Variants in IVL observed in about 807,000 individuals in gnomAD.
The protein encoded by IVL is involucrin.
For missense variants in IVL, 722 were observed against 624.9 expected (o/e 1.16, Z -1.66); for synonymous variants, 257 against 271.0 (o/e 0.95, Z 0.51).
At position 152,910,721 on chromosome 1, in the gene IVL, G is replaced by A. The variant is rs1238540426; in HGVS notation, c.924G>A (p.Gln308=). 9 of 1,549,948 alleles carry A rather than the reference G, an allele frequency of 5.8e-6. No homozygotes were observed. Among genetic ancestry groups the A allele is most frequent in the Admixed American group, 2.0e-5 (1 of 50,774 alleles). ...AGAAGCAGCCAGAGCTCCCAGAGCA[G>A]CAGATGGGGCAGCTGAAGCACCTGG... ...QQEKQPELPE[Q]QMGQLKHLEQ... Residue 308 remains glutamine (Q), a synonymous_variant, in exon 2 of 2, where the codon CAG becomes CAA. Coordinates refer to ENST00000368764, the MANE Select transcript of IVL (RefSeq NM_005547.4).
At position 152,910,149 on chromosome 1, in the gene IVL, C is replaced by A. The variant is rs201668946; in HGVS notation, c.352C>A (p.Gln118Lys). ...LKQEKTQRDQ[Q>K]LNKQLEEEKK... ...GCAGGAGAAAACACAAAGGGATCAG[C>A]AGCTAAACAAACAGCTGGAAGAAGA... Residue 118 changes from glutamine to lysine, a missense_variant, in exon 2 of 2, where the codon CAG (glutamine) becomes AAG (lysine). Transcript: ENST00000368764. 34 of 1,614,026 alleles carry A rather than the reference C, an allele frequency of 2.1e-5. No homozygotes were observed. The East Asian group carries it at 7.4e-4, about 35-fold the overall frequency.
Position 152,910,484 on chromosome 1 carries a change from G to A in IVL, c.687G>A (p.Gln229=), listed in dbSNP as rs1173343382. ...GGCAGCTGGAGCTCCCAGAGCAGCAGGAGGGGCAGCTGGAGCTCCCACAGC... is the reference window on the plus strand; with the variant it reads ...GGCAGCTGGAGCTCCCAGAGCAGCAAGAGGGGCAGCTGGAGCTCCCACAGC... ...QEGQLELPEQ[Q]EGQLELPQQQ... is the part of the protein sequence containing the mutation. Residue 229 remains glutamine, a synonymous_variant, in exon 2 of 2, where the codon CAG becomes CAA. Transcript: ENST00000368764. 6.3e-6 allele frequency: 9 copies of A among 1,431,694 alleles called. No homozygotes were observed. In the African/African-American group the frequency reaches 1.7e-4, roughly 27 times the overall value. The allele number at this position is 1,431,694 out of a possible 1,614,324, so 88.7% of individuals were successfully genotyped here. A position where few individuals can be genotyped will look rare whatever the true frequency, so the allele number is the denominator to read the frequency against.
In IVL at chr1:152,911,121, C is replaced by T. The variant is rs759798764; in HGVS notation, c.1324C>T (p.His442Tyr). Residue 442 changes from histidine (H) to tyrosine (Y), a missense_variant, in exon 2 of 2, where the codon CAT (histidine) becomes TAT (tyrosine). His to Tyr is a moderately conservative substitution (Grantham distance 83). Transcript: ENST00000368764. ...HLEEQEGQLK[H>Y]LEQQQGQLEV... is the part of the protein sequence containing the mutation. ...AGAGGAGCAGGAGGGACAACTGAAG[C>T]ATCTGGAGCAGCAGCAGGGGCAGTT... The T allele has an allele frequency of 3.2e-6, 5 of 1,554,528 alleles. No individual in the cohort carries two copies. The South Asian group carries it at 5.9e-5, about 18-fold the overall frequency.
In IVL at chr1:152,911,590, C is replaced by T; in HGVS notation, c.*35C>T. On this transcript the variant is annotated 3_prime_UTR_variant, in exon 2 of 2. Transcript: ENST00000368764. The stretch of plus-strand genomic sequence containing the variant: ...GTGTCCAGAGGCCCTCAGATCGTCT[C>T]ATACAAGGGAAGAGAGAGCCACTGG... 5.8e-6 allele frequency: 9 copies of T among 1,554,562 alleles called. 1 individual carries two copies. In the South Asian group the frequency reaches 1.1e-4, roughly 19 times the overall value.
In IVL at chr1:152,910,135, C is replaced by T. The variant is rs756991942; in HGVS notation, c.338C>T (p.Thr113Ile). The part of the protein sequence containing the change: ...NPEQQLKQEK[T>I]QRDQQLNKQL... ...GAGCAGCAGCTTAAGCAGGAGAAAA[C>T]ACAAAGGGATCAGCAGCTAAACAAA... The change falls in exon 2 of 2, where the codon ACA (threonine) becomes ATA (isoleucine). Residue 113 changes from threonine (T) to isoleucine (I), a missense_variant. Coordinates refer to ENST00000368764, the MANE Select transcript of IVL (RefSeq NM_005547.4). The T allele has an allele frequency of 6.2e-7, 1 of 1,613,884 alleles. No individual in the cohort carries two copies. The highest frequency in any genetic ancestry group is 2.2e-5 in the East Asian group (1 of 44,842).
At position 152,910,072 on chromosome 1, in the gene IVL, G is replaced by A; in HGVS notation, c.275G>A (p.Trp92Ter). ...GAGCAGGAGCTGCAGCAACAGCACT[G>A]GGAACAGCATGAGGAATATCAGAAA... ...PQEQELQQQHWEQHEEYQKAE... is the reference protein window; with the variant it reads ...PQEQELQQQH The change falls in exon 2 of 2, where the codon TGG becomes TAG. Residue 92 changes from tryptophan to a stop codon, truncating the protein, a stop_gained. Transcript: ENST00000368764. LOFTEE classifies it low-confidence loss of function (END_TRUNC). 1 of 1,614,140 alleles carries A rather than the reference G, an allele frequency of 6.2e-7. No homozygotes were observed. Among genetic ancestry groups the A allele is most frequent in the Non-Finnish European group, 8.5e-7 (1 of 1,180,004 alleles).
rs1649886277 is a variant in IVL, at chr1:152,909,835, C to T, written c.38C>T (p.Pro13Leu). ...QQHTLPVTLS[P>L]ALSQELLKTV... is the part of the protein sequence containing the mutation. ...CACACACTGCCAGTGACCCTCTCCC[C>T]TGCCCTCAGTCAGGAGCTCCTCAAG... Residue 13 changes from proline to leucine, a missense_variant, in exon 2 of 2, where the codon CCT becomes CTT. Pro to Leu is a moderately conservative substitution (Grantham distance 98). Transcript: ENST00000368764. 2 of 1,614,140 alleles carry T rather than the reference C, an allele frequency of 1.2e-6. No individual in the cohort carries two copies.
In IVL at chr1:152,910,839, C is replaced by T. The variant is rs1017013259; in HGVS notation, c.1042C>T (p.Gln348Ter). The change falls in exon 2 of 2, where the codon CAG becomes TAG. Residue 348 changes from glutamine to a stop codon, truncating the protein, a stop_gained. Transcript: ENST00000368764. LOFTEE classifies it low-confidence loss of function (END_TRUNC). ...GGAGGGGCAGCTGAAGCACCTGGAG[C>T]AGCAGGAGGGGCAGCTGGAGCACCT... ...EQEGQLKHLE[Q>*]QEGQLEHLEH... 1 of 1,549,802 alleles carries T rather than the reference C, an allele frequency of 6.5e-7. No individual in the cohort carries two copies. The highest frequency in any genetic ancestry group is 1.2e-5 in the South Asian group (1 of 83,980).
At position 152,911,325 on chromosome 1, in the gene IVL, C is replaced by A. The variant is rs1477070144; in HGVS notation, c.1528C>A (p.Leu510Ile). The change falls in exon 2 of 2, where the codon CTA (leucine) becomes ATA (isoleucine). Residue 510 changes from leucine (L) to isoleucine (I), a missense_variant. Coordinates refer to ENST00000368764, the MANE Select transcript of IVL (RefSeq NM_005547.4). Reference sequence around the variant, plus strand: ...GCACCTGGAACAGCAGGAAAAGCACCTAGAGCACCCAGAGCAGCAGGACGG... The same window carrying A: ...GCACCTGGAACAGCAGGAAAAGCACATAGAGCACCCAGAGCAGCAGGACGG... ...PKHLEQQEKH[L>I]EHPEQQDGQL... The A allele has an allele frequency of 6.3e-7, 1 of 1,585,704 alleles. No homozygotes were observed. Among genetic ancestry groups the A allele is most frequent in the Admixed American group, 1.9e-5 (1 of 53,714 alleles).
At position 152,910,008 on chromosome 1, in the gene IVL, C is replaced by A; in HGVS notation, c.211C>A (p.Pro71Thr). Reference protein sequence around the residue: ...EKHMTAVKGLPEQECEQQQKE... With the variant: ...EKHMTAVKGLTEQECEQQQKE... Reference sequence around the variant, plus strand: ...GCACATGACTGCTGTAAAGGGACTGCCTGAGCAAGAATGTGAGCAACAGCA... The same window carrying A: ...GCACATGACTGCTGTAAAGGGACTGACTGAGCAAGAATGTGAGCAACAGCA... The change falls in exon 2 of 2, where the codon CCT becomes ACT. Residue 71 changes from proline (P) to threonine (T), a missense_variant. By Grantham distance (38) the Pro-to-Thr change is conservative (BLOSUM62 -1). Transcript: ENST00000368764. 2.5e-6 allele frequency: 4 copies of A among 1,614,128 alleles called. No homozygotes were observed. The South Asian group carries it at 3.3e-5, about 13-fold the overall frequency.
Position 152,910,035 on chromosome 1 carries a change from A to G in IVL, c.238A>G (p.Lys80Glu), listed in dbSNP as rs1216377138. ...TGAGCAAGAATGTGAGCAACAGCAG[A>G]AGGAGCCACAGGAGCAGGAGCTGCA... ...LPEQECEQQQ[K>E]EPQEQELQQQ... Residue 80 changes from lysine (K) to glutamate (E), a missense_variant, in exon 2 of 2, where the codon AAG (lysine) becomes GAG (glutamate). Physicochemically the swap from Lys to Glu is moderately conservative, Grantham distance 56. Coordinates refer to ENST00000368764, the MANE Select transcript of IVL (RefSeq NM_005547.4). 1.2e-6 allele frequency: 2 copies of G among 1,614,218 alleles called. No homozygotes were observed. Among genetic ancestry groups the G allele is most frequent in the East Asian group, 4.5e-5 (2 of 44,888 alleles).
rs1458458605 is a variant in IVL at position 152,910,465 on chromosome 1, T to G, written c.668T>G (p.Leu223Arg). 1 of 1,431,090 alleles carries G rather than the reference T, an allele frequency of 7.0e-7. No homozygotes were observed. The highest frequency in any genetic ancestry group is 9.1e-7 in the Non-Finnish European group (1 of 1,098,496). 88.6% of individuals were successfully genotyped at this position (1,431,090 alleles called of 1,614,324 possible). The change falls in exon 2 of 2, where the codon CTG becomes CGG. Residue 223 changes from leucine to arginine, a missense_variant. Physicochemically the swap from Leu to Arg is moderately radical, Grantham distance 102. Coordinates refer to ENST00000368764, the MANE Select transcript of IVL (RefSeq NM_005547.4). ...LELPEQQEGQ[L>R]ELPEQQEGQL... is the part of the protein sequence containing the mutation. ...CTCCCAGAGCAGCAGGAGGGGCAGC[T>G]GGAGCTCCCAGAGCAGCAGGAGGGG...
At position 152,911,750 on chromosome 1, in the gene IVL, A is replaced by T. The variant is rs41272534; in HGVS notation, c.*195A>T. 8.8e-5 allele frequency: 53 copies of T among 604,810 alleles called. No individual in the cohort carries two copies. The African/African-American group carries it at 9.1e-4, about 10-fold the overall frequency. The allele number at this position is 604,810 out of a possible 1,614,324, so 37.5% of individuals were successfully genotyped here. On this transcript the variant is annotated 3_prime_UTR_variant, in exon 2 of 2. Coordinates refer to ENST00000368764, the MANE Select transcript of IVL (RefSeq NM_005547.4). ...TCCAGTGCCAACCCCAATGACCCCA[A>T]TCCCAACCTCAGGTGAGCAGAGCCT...
At chr1:152,909,404 C>G (rs1649871046) in intron 1 of IVL, among the ~76,000 whole-genome samples, 1 of 152,146 alleles carries the variant, frequency 6.6e-6, no homozygotes, top group Non-Finnish European at 1.5e-5. Flanking sequence ...GGCCTTACTC[C>G]TCACTGTGAC....
Position 152,910,555 on chromosome 1 carries a change from T to C in IVL, c.758T>C (p.Leu253Pro), listed in dbSNP as rs1007552982. ...CTCTCTGAGCAGCAGGAGGGGCAGC[T>C]GGAGCTCTCTGAGCAGCAGGAGGGA... is the stretch of plus-strand genomic sequence containing the variant. ...LELSEQQEGQ[L>P]ELSEQQEGQL... Residue 253 changes from leucine to proline, a missense_variant, in exon 2 of 2, where the codon CTG becomes CCG. Coordinates refer to ENST00000368764, the MANE Select transcript of IVL (RefSeq NM_005547.4). 6.5e-7 allele frequency: 1 copy of C among 1,547,674 alleles called. No individual in the cohort carries two copies. Among genetic ancestry groups the C allele is most frequent in the Middle Eastern group, 1.8e-4 (1 of 5,502 alleles).
chr1:152,910,634 G>C lies in IVL; in HGVS notation c.837G>C (p.Gln279His). ...QEGQLEVPEEQMGQLKYLEQQ... is the reference protein window; with the variant it reads ...QEGQLEVPEEHMGQLKYLEQQ... ...GGCAGCTGGAGGTCCCAGAGGAGCA[G>C]ATGGGGCAGCTGAAGTACCTGGAAC... The change falls in exon 2 of 2, where the codon CAG becomes CAC. Residue 279 changes from glutamine to histidine, a missense_variant. Gln to His is a conservative substitution (Grantham distance 24). Transcript: ENST00000368764. The C allele has an allele frequency of 6.4e-7, 1 of 1,551,426 alleles. No individual in the cohort carries two copies. The highest frequency in any genetic ancestry group is 8.7e-7 in the Non-Finnish European group (1 of 1,146,958).
chr1:152,910,728 G>A lies in IVL; in HGVS notation c.931G>A (p.Gly311Arg), dbSNP rs1322437510. The change falls in exon 2 of 2, where the codon GGG becomes AGG. Residue 311 changes from glycine to arginine, a missense_variant. Coordinates refer to ENST00000368764, the MANE Select transcript of IVL (RefSeq NM_005547.4). ...GCCAGAGCTCCCAGAGCAGCAGATG[G>A]GGCAGCTGAAGCACCTGGAGCAGCA... ...KQPELPEQQM[G>R]QLKHLEQQEG... 7 of 1,550,378 alleles carry A rather than the reference G, an allele frequency of 4.5e-6. No individual in the cohort carries two copies. Among genetic ancestry groups the A allele is most frequent in the South Asian group, 1.2e-5 (1 of 83,968 alleles).
chr1:152,909,212 C>A (rs967643489), intron 1 of IVL, among the ~76,000 whole-genome samples: 1 of 152,072 alleles, frequency 6.6e-6, no homozygotes, highest in Non-Finnish European at 1.5e-5. Context: ...GGGGGAAAAC[C>A]AAATCCCAGG....
At position 152,911,061 on chromosome 1, in the gene IVL, C is replaced by A. The variant is rs1274522613; in HGVS notation, c.1264C>A (p.His422Asn). 7 of 1,550,720 alleles carry A rather than the reference C, an allele frequency of 4.5e-6. No homozygotes were observed. In the South Asian group the frequency reaches 7.1e-5, roughly 16 times the overall value. ...GGAGCAGCAGGAGAGGCAGGTGGAGCACCTGGAGCAGCAGGTGGGGCAGCT... is the reference window on the plus strand; with the variant it reads ...GGAGCAGCAGGAGAGGCAGGTGGAGAACCTGGAGCAGCAGGTGGGGCAGCT... ...QLEQQERQVEHLEQQVGQLKH... is the reference protein window; with the variant it reads ...QLEQQERQVENLEQQVGQLKH... The change falls in exon 2 of 2, where the codon CAC (histidine) becomes AAC (asparagine). Residue 422 changes from histidine to asparagine, a missense_variant. By Grantham distance (68) the His-to-Asn change is moderately conservative. Transcript: ENST00000368764.
Sources: allele counts gnomAD v4.1 joint callset (sites outside exome capture counted in the v4.1 genomes callset), GRCh38; gene constraint gnomAD v4.1.1; transcripts MANE v1.5; gene names NCBI Gene and HGNC (gene_info 2026-07-23, HGNC 2026-07-21).